The following APH1A variants were observed in gnomAD, a reference collection of about 807,000 sequenced individuals.
APH1A encodes the protein aph-1A gamma-secretase subunit.
A neutral mutation model predicts 30.3 loss-of-function variants in APH1A; 16 were observed. The ratio of observed to expected loss-of-function variants is 0.53; its 90% confidence interval spans 0.36 to 0.80. The LOEUF is 0.80. APH1A is among the 30% of genes least tolerant of loss of function. The pLI, the probability that APH1A is intolerant of heterozygous loss-of-function variation, is 0.01. For missense variants in APH1A, 245 were observed against 337.8 expected, an observed-to-expected ratio of 0.73 and a Z score of 2.15; for synonymous variants, 144 against 140.1, an observed-to-expected ratio of 1.03 and a Z score of -0.20.
At position 150,268,848 on chromosome 1, in the gene APH1A, G is replaced by A. The variant is rs377618718; in HGVS notation, c.-38C>T. 17 of 1,577,134 alleles carry A rather than the reference G, an allele frequency of 1.1e-5. No homozygotes were observed. In the East Asian group the frequency reaches 1.6e-4, roughly 15 times the overall value. On this transcript the variant is annotated 5_prime_UTR_variant, in exon 1 of 7. Transcript: ENST00000369109. The stretch of plus-strand genomic sequence containing the variant: ...GGGAAGGGGGGTGGGGGCCTGACCA[G>A]GACAGGCAAATGGGAGGGGCGCGCC...
chr1:150,268,046 G>A lies in APH1A; in HGVS notation c.195C>T (p.Ala65=). ...ILVHVTDRSD[A]RLQYGLLIFG... is the part of the protein sequence containing the mutation. Reference sequence around the variant, plus strand: ...AAATCAGGAGGCCGTACTGGAGCCGGGCATCTGACCGGTCGGTCACATGGA... The same window carrying A: ...AAATCAGGAGGCCGTACTGGAGCCGAGCATCTGACCGGTCGGTCACATGGA... Residue 65 remains alanine, a synonymous_variant, in exon 2 of 7, where the codon GCC becomes GCT. Coordinates refer to ENST00000369109, the MANE Select transcript of APH1A (RefSeq NM_001077628.3). The A allele has an allele frequency of 1.2e-6, 2 of 1,614,162 alleles. No individual in the cohort carries two copies. Among genetic ancestry groups the A allele is most frequent in the South Asian group, 1.1e-5 (1 of 91,080 alleles).
intron 6 of APH1A, 87 bp from the exon 7 acceptor site, chr1:150,266,281 C>G (rs1651702857): frequency 6.6e-7 from 1 of 1,524,890 alleles, no homozygotes. Flanking sequence ...AAGGGGGTCC[C>G]CAGGTGGTGG....
At position 150,268,079 on chromosome 1, in the gene APH1A, G is replaced by A. The variant is rs1553850331; in HGVS notation, c.162C>T (p.Phe54=). ...ACCGGTCGGTCACATGGACCAAGATGAACCAGACCACAGAGGCCAGGAGCA... is the reference window on the plus strand; with the variant it reads ...ACCGGTCGGTCACATGGACCAAGATAAACCAGACCACAGAGGCCAGGAGCA... ...VSLLLASVVW[F]ILVHVTDRSD... Residue 54 remains phenylalanine (F), a synonymous_variant, in exon 2 of 7, where the codon TTC becomes TTT. Transcript: ENST00000369109. 1 of 1,614,022 alleles carries A rather than the reference G, an allele frequency of 6.2e-7. No homozygotes were observed. Among genetic ancestry groups the A allele is most frequent in the African/African-American group, 1.3e-5 (1 of 74,918 alleles).
chr1:150,266,637 T>A lies in APH1A; in HGVS notation c.629A>T (p.Tyr210Phe). ...ATAGATGGGCAGCAGGCTGGCCTCA[T>A]ACCAGGGGTTCAGGAATGTCTAGGA... The part of the protein sequence containing the change: ...TSGLTFLNPW[Y>F]EASLLPIYAV... The change falls in exon 6 of 7, where the codon TAT becomes TTT. Residue 210 changes from tyrosine to phenylalanine, a missense_variant. By Grantham distance (22) the Tyr-to-Phe change is conservative. Transcript: ENST00000369109. 1 of 1,614,044 alleles carries A rather than the reference T, an allele frequency of 6.2e-7. No homozygotes were observed. Among genetic ancestry groups the A allele is most frequent in the African/African-American group, 1.3e-5 (1 of 75,018 alleles).
chr1:150,268,151 G>A (rs1553850362), intron 1 of APH1A, 24 bp from the exon 2 acceptor site: 11 of 1,610,910 alleles, frequency 6.8e-6, no homozygotes, highest in Non-Finnish European at 9.3e-6. Context: ...GGGGCAGTGA[G>A]ACAAGCAATA....
At position 150,268,829 on chromosome 1, in the gene APH1A, G is replaced by T. The variant is rs181092416; in HGVS notation, c.-19C>A. 5.0e-6 allele frequency: 8 copies of T among 1,603,466 alleles called. No individual in the cohort carries two copies. Among genetic ancestry groups the T allele is most frequent in the Admixed American group, 3.4e-5 (2 of 58,280 alleles). ...CCCCCATGGCTGGTCAGGTGGGAAGGGGGGTGGGGGCCTGACCAGGACAGG... is the reference window on the plus strand; with the variant it reads ...CCCCCATGGCTGGTCAGGTGGGAAGTGGGGTGGGGGCCTGACCAGGACAGG... On this transcript the variant is annotated 5_prime_UTR_variant, in exon 1 of 7. Transcript: ENST00000369109.
chr1:150,268,228 T>TTCC (rs782361743), intron 1 of APH1A, 101 bp from the exon 2 acceptor site: 10 of 1,381,288 alleles, frequency 7.2e-6, no homozygotes, highest in Non-Finnish European at 8.8e-6. Context: ...GAAGTTAGCC[T>TTCC]TCCGGATGGT....
At position 150,268,830 on chromosome 1, in the gene APH1A, G is replaced by A; in HGVS notation, c.-20C>T. On this transcript the variant is annotated 5_prime_UTR_variant, in exon 1 of 7. Coordinates refer to ENST00000369109, the MANE Select transcript of APH1A (RefSeq NM_001077628.3). ...CCCCATGGCTGGTCAGGTGGGAAGG[G>A]GGGTGGGGGCCTGACCAGGACAGGC... is the stretch of plus-strand genomic sequence containing the variant. 1.2e-6 allele frequency: 2 copies of A among 1,602,238 alleles called. No homozygotes were observed. Among genetic ancestry groups the A allele is most frequent in the South Asian group, 1.1e-5 (1 of 89,768 alleles).
Position 150,267,174 on chromosome 1 carries a change from G to GC in APH1A, c.509_510insG (p.His171ProfsTer10). ...AGAACACAACTCCCCAAAAGGTATG[G>GC]AGCAGGATAATGGCTGCTGTCAGAA... On this transcript the variant is annotated frameshift_variant, in exon 5 of 7. Transcript: ENST00000369109. LOFTEE classifies it high-confidence loss of function. 6.2e-7 allele frequency: 1 copy of GC among 1,614,214 alleles called. No homozygotes were observed. Among genetic ancestry groups the GC allele is most frequent in the Non-Finnish European group, 8.5e-7 (1 of 1,180,042 alleles).
chr1:150,268,997 C>A lies in APH1A; in HGVS notation c.-187G>T. On this transcript the variant is annotated 5_prime_UTR_variant, in exon 1 of 7. Transcript: ENST00000369109. ...CCCCAAATGAAGGTCCGCGCCACTT[C>A]CTCTACGGAAGCCGAAGAGGGGACA... 1.8e-6 allele frequency: 1 copy of A among 552,518 alleles called. No individual in the cohort carries two copies. Among genetic ancestry groups the A allele is most frequent in the Non-Finnish European group, 3.3e-6 (1 of 305,832 alleles). The allele number at this position is 552,518 out of a possible 1,614,324, so 34.2% of individuals were successfully genotyped here.
intron 3 of APH1A, 62 bp downstream of exon 3, chr1:150,267,652 TAG>T (rs1651845568): frequency 6.3e-7 from 1 of 1,582,854 alleles, no homozygotes; most frequent in Non-Finnish European, 8.6e-7. Flanking sequence ...TGTGGATATT[TAG>T]AGACTTCCCT....
intron 4 of APH1A, 59 bp downstream of exon 4, chr1:150,267,297 A>C: frequency 6.2e-7 from 1 of 1,613,076 alleles, no homozygotes. Context: ...AAGGCCAATA[A>C]ATCAGATCAG....
At position 150,267,098 on chromosome 1, in the gene APH1A, T is replaced by A; in HGVS notation, c.586A>T (p.Ser196Cys). ...ACCAGTCCCGATGTCAGTAGGTGACTCCCAACCACCAGGCCCAAAGCCCAG... is the reference window on the plus strand; with the variant it reads ...ACCAGTCCCGATGTCAGTAGGTGACACCCAACCACCAGGCCCAAAGCCCAG... ...RYWALGLVVG[S>C]HLLTSGLTFL... The change falls in exon 5 of 7, where the codon AGT becomes TGT. Residue 196 changes from serine (S) to cysteine (C), a missense_variant. Coordinates refer to ENST00000369109, the MANE Select transcript of APH1A (RefSeq NM_001077628.3). 1 of 1,614,088 alleles carries A rather than the reference T, an allele frequency of 6.2e-7. No homozygotes were observed. The highest frequency in any genetic ancestry group is 8.5e-7 in the Non-Finnish European group (1 of 1,180,022).
Position 150,267,422 on chromosome 1 carries a change from C to A in APH1A, c.415G>T (p.Ala139Ser). The A allele has an allele frequency of 6.2e-7, 1 of 1,614,086 alleles. No homozygotes were observed. The highest frequency in any genetic ancestry group is 8.5e-7 in the Non-Finnish European group (1 of 1,180,026). ...ACCACACCTGGCCCAAGTGCATCAG[C>A]CAAAATATTGATAACAGAGAAGACA... The part of the protein sequence containing the change: ...SGVFSVINIL[A>S]DALGPGVVGI... Residue 139 changes from alanine to serine, a missense_variant, in exon 4 of 7, where the codon GCT (alanine) becomes TCT (serine). Ala to Ser is a moderately conservative substitution (Grantham distance 99). Coordinates refer to ENST00000369109, the MANE Select transcript of APH1A (RefSeq NM_001077628.3).
At chr1:150,267,859 T>A (rs1461368068) in intron 2 of APH1A, 70 bp from the exon 3 acceptor site, 1 of 1,612,592 alleles carries the variant, frequency 6.2e-7, no homozygotes, top group African/African-American at 1.3e-5. Flanking sequence ...ATGTCCTCCC[T>A]TAGTGCCTCC....
chr1:150,266,114 TC>T lies in APH1A; in HGVS notation c.*15del. On this transcript the variant is annotated 3_prime_UTR_variant, in exon 7 of 7. Transcript: ENST00000369109. ...CAGGAGGGCACCCCAGGCCCAGGGG[TC>T]CCCCCTAGGTTCCCTCAGTCCTCGG... 1 of 1,582,774 alleles carries T rather than the reference TC, an allele frequency of 6.3e-7. No individual in the cohort carries two copies. The highest frequency in any genetic ancestry group is 8.6e-7 in the Non-Finnish European group (1 of 1,163,982).
rs587650711 is a variant in APH1A, at chr1:150,266,065, T to C, written c.*65A>G. The C allele has an allele frequency of 8.5e-6, 13 of 1,535,886 alleles. No individual in the cohort carries two copies. The highest frequency in any genetic ancestry group is 8.5e-5 in the South Asian group (7 of 82,736). ...AACCTGCACTGTCCAGAACTGGAGA[T>C]GGAGAAATACAGGGCGAGGACATCA... On this transcript the variant is annotated 3_prime_UTR_variant, in exon 7 of 7. Transcript: ENST00000369109.
Position 150,266,044 on chromosome 1 carries a change from T to G in APH1A, c.*86A>C. ...AACTAGGTCCCTTTTCTTGGCAACC[T>G]GCACTGTCCAGAACTGGAGATGGAG... On this transcript the variant is annotated 3_prime_UTR_variant, in exon 7 of 7. Transcript: ENST00000369109. The G allele has an allele frequency of 6.7e-7, 1 of 1,483,570 alleles. No individual in the cohort carries two copies. Among genetic ancestry groups the G allele is most frequent in the Non-Finnish European group, 9.1e-7 (1 of 1,103,464 alleles). The allele number at this position is 1,483,570 out of a possible 1,614,324, so 91.9% of individuals were successfully genotyped here.
In APH1A at chr1:150,267,995, TAGA is replaced by T. The variant is rs782262548; in HGVS notation, c.243_245del (p.Leu82del). 6.2e-7 allele frequency: 1 copy of T among 1,613,948 alleles called. No individual in the cohort carries two copies. On this transcript the variant is annotated inframe_deletion, in exon 2 of 7. Transcript: ENST00000369109. ...AGTAGGCAAAGCGGAACACCTCCTG[TAGA>T]AGGACAGAGACAGCAGCACCAAAAA...
Sources: allele counts gnomAD v4.1 joint callset, GRCh38; gene constraint gnomAD v4.1.1; transcripts MANE v1.5; gene names NCBI Gene and HGNC (gene_info 2026-07-23, HGNC 2026-07-21).